DENND4C: variants seen among roughly 807,000 people sequenced by gnomAD.
The protein encoded by DENND4C is DENN domain containing 4C.
In DENND4C, 108 loss-of-function variants were observed where a neutral mutation model predicts 203.0. The observed-to-expected ratio is 0.53, with a 90% confidence interval of 0.46 to 0.62. The LOEUF is 0.62. Ranked by LOEUF, DENND4C falls within the 20% of genes least tolerant of loss-of-function variation. DENND4C has a pLI of 0.00. For missense variants in DENND4C, 2,481 were observed against 2,301.2 expected (o/e 1.08, Z -1.60); for synonymous variants, 871 against 792.4 (o/e 1.10, Z -1.67).
At chr9:19,272,003 A>AAT (rs1455644370) in intron 1 of DENND4C, among the ~76,000 whole-genome samples, 2 of 152,192 alleles carry the variant, frequency 1.3e-5, no homozygotes, top group Admixed American at 6.5e-5. Flanking sequence ...CACATAGATC[A>AAT]ATGGAACAGA....
chr9:19,288,888 A>G (rs1156497841), intron 4 of DENND4C, among the ~76,000 whole-genome samples: 1 of 152,252 alleles, frequency 6.6e-6, no homozygotes, highest in African/African-American at 2.4e-5. Flanking sequence ...TTAAACATTT[A>G]TCTAAAGCAA....
At position 19,358,085 on chromosome 9, in the gene DENND4C, G is replaced by A. The variant is rs753051735; in HGVS notation, c.5085G>A (p.Gln1695=). 6.2e-7 allele frequency: 1 copy of A among 1,613,964 alleles called. No homozygotes were observed. Among genetic ancestry groups the A allele is most frequent in the Admixed American group, 1.7e-5 (1 of 60,022 alleles). Residue 1695 remains glutamine (Q), a synonymous_variant, in exon 28 of 33, where the codon CAG becomes CAA. Transcript: ENST00000434457. The surrounding 1 kb of genome is among the most constrained non-coding windows in gnomAD (Gnocchi z 4.8). ...GTCACAGTGTTGGAGGCCCATTGCA[G>A]AATATTGACTTTACCCAGCGACCGT... The part of the protein sequence containing the change: ...TRSHSVGGPL[Q]NIDFTQRPFH...
intron 12 of DENND4C, among the ~76,000 whole-genome samples, chr9:19,318,057 G>A (rs1413068931): frequency 6.6e-6 from 1 of 152,196 alleles, no homozygotes; most frequent in Non-Finnish European, 1.5e-5. Flanking sequence ...AGTGGCTCAC[G>A]CCTGTAATCC....
chr9:19,256,366 A>C (rs1327162229), intron 1 of DENND4C, among the ~76,000 whole-genome samples: 1 of 130,624 alleles, frequency 7.7e-6, no homozygotes, highest in African/African-American at 3.0e-5. Context: ...CTGGAGTGCA[A>C]GGGCGCAATC....
At chr9:19,252,292 G>GCA (rs1826818610) in intron 1 of DENND4C, among the ~76,000 whole-genome samples, 2 of 152,090 alleles carry the variant, frequency 1.3e-5, no homozygotes, top group African/African-American at 4.8e-5. Flanking sequence ...AGAACAGCAT[G>GCA]GGAAAGACCC....
chr9:19,249,300 T>C (rs1460056915), intron 1 of DENND4C, among the ~76,000 whole-genome samples: 1 of 151,862 alleles, frequency 6.6e-6, no homozygotes, highest in Non-Finnish European at 1.5e-5. Flanking sequence ...TCCCCCAGGC[T>C]GGAGTGCAAT....
At chr9:19,233,629 C>T (rs1265636311) in intron 1 of DENND4C, among the ~76,000 whole-genome samples, 2 of 135,748 alleles carry the variant, frequency 1.5e-5, no homozygotes, top group African/African-American at 5.5e-5. Flanking sequence ...GGTGTGATCT[C>T]GGCTCACTGC....
intron 1 of DENND4C, among the ~76,000 whole-genome samples, chr9:19,271,823 C>G (rs4977523): frequency 6.7e-6 from 1 of 149,542 alleles, no homozygotes; most frequent in Non-Finnish European, 1.5e-5. Flanking sequence ...GAGTTGAGAT[C>G]GCGCCATTGC....
At position 19,237,310 on chromosome 9, in the gene DENND4C, C is replaced by T. The variant is rs535100830; in HGVS notation, c.-18+6477C>T. ...CTGGGATTACAGGCGTGAGCCACCA[C>T]GCCCGGCCGACAGCTTTTAGATTCA... On this transcript the variant is annotated intron_variant, in intron 1 of 32. Transcript: ENST00000434457. Among the ~76,000 whole-genome samples, 10 of 152,056 alleles carry T rather than the reference C, an allele frequency of 6.6e-5. No individual in the cohort carries two copies. The South Asian group carries it at 1.5e-3, about 22-fold the overall frequency.
intron 3 of DENND4C, among the ~76,000 whole-genome samples, chr9:19,288,018 G>A (rs1815470448): frequency 6.6e-6 from 1 of 152,234 alleles, no homozygotes; most frequent in Non-Finnish European, 1.5e-5. Flanking sequence ...ACAGGCGCAA[G>A]CCACCACACC....
intron 1 of DENND4C, among the ~76,000 whole-genome samples, chr9:19,250,140 C>T (rs1243168063): frequency 4.6e-5 from 7 of 152,108 alleles, no homozygotes; most frequent in Admixed American, 4.6e-4. Flanking sequence ...CTCTACTGTA[C>T]TAGTCTGTTC....
intron 24 of DENND4C, among the ~76,000 whole-genome samples, chr9:19,351,632 C>A (rs752341150): frequency 2.7e-4 from 41 of 151,878 alleles, no homozygotes; most frequent in Non-Finnish European, 5.2e-4. Flanking sequence ...CACAGTGAAA[C>A]CGTCTCTACT....
chr9:19,285,763 A>T (rs1835081526), intron 2 of DENND4C, among the ~76,000 whole-genome samples: 2 of 152,216 alleles, frequency 1.3e-5, no homozygotes, highest in Non-Finnish European at 1.5e-5. Flanking sequence ...GTCCAGCTTC[A>T]TGCTTTTGCA....
chr9:19,364,585 G>C (rs1176675136), intron 30 of DENND4C, among the ~76,000 whole-genome samples: 1 of 152,210 alleles, frequency 6.6e-6, no homozygotes, highest in East Asian at 1.9e-4. Context: ...CAGCTCCAGA[G>C]CAGTGGCTTA....
chr9:19,341,384 T>G (rs1350982669), intron 21 of DENND4C, among the ~76,000 whole-genome samples: 1 of 151,436 alleles, frequency 6.6e-6, no homozygotes, highest in Non-Finnish European at 1.5e-5. Flanking sequence ...AGAACATGTA[T>G]TACTGCAGCC....
At chr9:19,285,470 T>A (rs1835003291) in intron 2 of DENND4C, among the ~76,000 whole-genome samples, 1 of 152,144 alleles carries the variant, frequency 6.6e-6, no homozygotes, top group Non-Finnish European at 1.5e-5. Flanking sequence ...TAGTATTCTT[T>A]CCCACCTTCT....
intron 12 of DENND4C, among the ~76,000 whole-genome samples, chr9:19,320,280 C>A (rs1842662615): frequency 1.3e-5 from 2 of 151,996 alleles, no homozygotes; most frequent in Admixed American, 1.3e-4. Flanking sequence ...CTCACTGCAA[C>A]CTCTGCCTCC....
intron 18 of DENND4C, 101 bp from the exon 19 acceptor site, chr9:19,336,169 G>GTATATA: frequency 1.0e-6 from 1 of 958,514 alleles, no homozygotes. Flanking sequence ...TTTTATATTT[G>GTATATA]TGTATATATA....
At chr9:19,260,134 T>C (rs974923508) in intron 1 of DENND4C, among the ~76,000 whole-genome samples, 2 of 152,210 alleles carry the variant, frequency 1.3e-5, no homozygotes, top group African/African-American at 4.8e-5. Context: ...TGTTATTGCC[T>C]GTCTTTTGGA....
Sources: gnomAD v4.1 joint callset for allele counts (sites outside exome capture counted in the v4.1 genomes callset) on GRCh38, gnomAD v4.1.1 for gene constraint, Gnocchi (gnomAD v3.1) non-coding constraint, MANE v1.5 for transcripts, NCBI Gene and HGNC (gene_info 2026-07-23, HGNC 2026-07-21) for gene names.